EDNRA: variants seen among roughly 807,000 people sequenced by gnomAD.
The protein encoded by EDNRA is endothelin receptor type A, also known as endothelin-1 receptor.
Under a neutral mutation model 41.4 loss-of-function variants are expected in EDNRA, and 11 were observed. The observed-to-expected ratio is 0.27, with a 90% CI of 0.17 to 0.44. The LOEUF is 0.44. Ranked by LOEUF, EDNRA falls within the 20% of genes least tolerant of loss-of-function variation. The pLI is 1.00. For synonymous variants in EDNRA, 172 were observed against 183.0 expected, an observed-to-expected ratio of 0.94 and a Z score of 0.49; for missense variants, 294 against 531.0, an observed-to-expected ratio of 0.55 and a Z score of 4.39.
intron 2 of EDNRA, among the ~76,000 whole-genome samples, chr4:147,509,246 T>C (rs1729835247): frequency 6.6e-6 from 1 of 152,212 alleles, no homozygotes. Context: ...TTCCTGCGAA[T>C]GTGTGATGGT....
chr4:147,498,187 G>A (rs143120707), intron 2 of EDNRA, among the ~76,000 whole-genome samples: 36 of 152,350 alleles, frequency 2.4e-4, no homozygotes, highest in Non-Finnish European at 4.7e-4. Context: ...AGAACTCTGT[G>A]AAATGTCTGA....
At chr4:147,492,071 A>T (rs1729156257) in intron 2 of EDNRA, 1 of 152,306 alleles carries the variant, frequency 6.6e-6, no homozygotes, top group Admixed American at 6.5e-5. Flanking sequence ...CTTCCACTTT[A>T]TTCCTTGGAT....
At chr4:147,508,937 C>T (rs1418773657) in intron 2 of EDNRA, among the ~76,000 whole-genome samples, 1 of 152,018 alleles carries the variant, frequency 6.6e-6, no homozygotes, top group African/African-American at 2.4e-5. Context: ...TTCTAGATCC[C>T]TTATATTTTT....
intron 3 of EDNRA, among the ~76,000 whole-genome samples, chr4:147,527,746 T>C (rs1730604164): frequency 6.6e-6 from 1 of 152,128 alleles, no homozygotes; most frequent in African/African-American, 2.4e-5. Context: ...ATGAATAAAA[T>C]ATATATTTTA....
At chr4:147,497,440 A>G (rs1343742002) in intron 2 of EDNRA, among the ~76,000 whole-genome samples, 1 of 152,214 alleles carries the variant, frequency 6.6e-6, no homozygotes, top group Non-Finnish European at 1.5e-5. Flanking sequence ...ACATTGACTA[A>G]GTACCTGTAG....
At chr4:147,497,756 T>G (rs909457567) in intron 2 of EDNRA, among the ~76,000 whole-genome samples, 1 of 152,078 alleles carries the variant, frequency 6.6e-6, no homozygotes, top group Non-Finnish European at 1.5e-5. Context: ...GTATTTTTAG[T>G]AGAGACGAGG....
chr4:147,523,478 T>C (rs932038749), intron 3 of EDNRA, among the ~76,000 whole-genome samples: 8 of 105,106 alleles, frequency 7.6e-5, no homozygotes, highest in Non-Finnish European at 3.6e-5. Flanking sequence ...TTTGTTGTTG[T>C]TGTTTTTTTG....
At chr4:147,516,158 G>A (rs1209332090) in intron 2 of EDNRA, among the ~76,000 whole-genome samples, 1 of 152,180 alleles carries the variant, frequency 6.6e-6, no homozygotes, top group Non-Finnish European at 1.5e-5. Context: ...TGATCTGCTT[G>A]AGAAGAGGAG....
intron 2 of EDNRA, among the ~76,000 whole-genome samples, chr4:147,502,243 CAAG>C (rs747551125): frequency 9.9e-5 from 15 of 152,114 alleles, no homozygotes; most frequent in Non-Finnish European, 1.9e-4. Flanking sequence ...GACACTAATT[CAAG>C]AAAGTATCAT....
chr4:147,525,975 C>T (rs535627758), intron 3 of EDNRA, among the ~76,000 whole-genome samples: 1 of 152,236 alleles, frequency 6.6e-6, no homozygotes, highest in South Asian at 2.1e-4. Context: ...TCAGAAAAAC[C>T]TCTTTGTTAG....
rs1731058157 is a variant in EDNRA, at chr4:147,540,400, T to C, written c.1058T>C (p.Ile353Thr). The change falls in exon 7 of 8, where the codon ATC (isoleucine) becomes ACC (threonine). Residue 353 changes from isoleucine to threonine, a missense_variant. Physicochemically the swap from Ile to Thr is moderately conservative, Grantham distance 89. Around this residue, in one of 3 missense-constraint regions of EDNRA, gnomAD observed 185 missense variants for 390.8 expected, o/e 0.47. Transcript: ENST00000651419. ...LLSFLLLMDY[I>T]GINLATMNSC... ...AGTTTCTTACTGCTCATGGATTACA[T>C]CGGTATTAACTTGGCAACCATGAAT... 1 of 1,613,210 alleles carries C rather than the reference T, an allele frequency of 6.2e-7. No individual in the cohort carries two copies. Among genetic ancestry groups the C allele is most frequent in the African/African-American group, 1.3e-5 (1 of 75,034 alleles).
chr4:147,514,028 C>T (rs72961617), intron 2 of EDNRA, among the ~76,000 whole-genome samples: 1,816 of 152,252 alleles, frequency 0.012, 37 homozygotes, highest in African/African-American at 0.042. Context: ...ATAAATGGTA[C>T]GTTTCAGTTT....
intron 2 of EDNRA, among the ~76,000 whole-genome samples, chr4:147,497,149 C>CTTTTTTTT (rs11330586): frequency 1.1e-3 from 85 of 75,064 alleles, no homozygotes; most frequent in Non-Finnish European, 1.4e-3. Flanking sequence ...TAGAATTCTT[C>CTTTTTTTT]TTTTTTTTTT....
intron 2 of EDNRA, chr4:147,491,244 C>G (rs1445379406): frequency 6.6e-6 from 1 of 152,200 alleles, no homozygotes; most frequent in Non-Finnish European, 1.5e-5. Context: ...ATATGTTGCT[C>G]TGGCAGAGGA....
chr4:147,486,722 G>A lies in EDNRA; in HGVS notation c.420+621G>A, dbSNP rs112138430. Among the ~76,000 whole-genome samples, 10 of 152,174 alleles carry A rather than the reference G, an allele frequency of 6.6e-5. No individual in the cohort carries two copies. Among genetic ancestry groups the A allele is most frequent in the African/African-American group, 2.4e-4 (10 of 41,536 alleles). ...AACTAATACCACTTAAAATTTGCCT[G>A]CTTTACTGTGGTCTCCTTCATTTCT... On this transcript the variant is annotated intron_variant, in intron 2 of 7. Coordinates refer to ENST00000651419, the MANE Select transcript of EDNRA (RefSeq NM_001957.4). This position sits in a 1 kb window ranked among gnomAD's most constrained non-coding sequence, Gnocchi z 4.3.
At chr4:147,524,245 T>C (rs554106512) in intron 3 of EDNRA, among the ~76,000 whole-genome samples, 1 of 152,024 alleles carries the variant, frequency 6.6e-6, no homozygotes, top group East Asian at 1.9e-4. Context: ...CACTTTTTTG[T>C]TCTGCCTCCT....
At chr4:147,525,159 A>G (rs2126459478) in intron 3 of EDNRA, among the ~76,000 whole-genome samples, 1 of 152,372 alleles carries the variant, frequency 6.6e-6, no homozygotes, top group South Asian at 2.1e-4. Flanking sequence ...TACTTCGTCA[A>G]TCAATGATTA....
At chr4:147,539,579 C>T (rs1220016064) in intron 5 of EDNRA, among the ~76,000 whole-genome samples, 2 of 152,030 alleles carry the variant, frequency 1.3e-5, no homozygotes, top group Non-Finnish European at 2.9e-5. Context: ...GCCCTAATAA[C>T]CAACCTGAGG....
At chr4:147,508,840 A>G (rs938861664) in intron 2 of EDNRA, among the ~76,000 whole-genome samples, 1 of 152,176 alleles carries the variant, frequency 6.6e-6, no homozygotes, top group African/African-American at 2.4e-5. Flanking sequence ...TCCTGTCTTA[A>G]TTACTGGAGC....
Sources: gnomAD v4.1 joint callset for allele counts (sites outside exome capture counted in the v4.1 genomes callset) on GRCh38, gnomAD v4.1.1 for gene constraint, gnomAD v4.1.1 regional missense constraint, Gnocchi (gnomAD v3.1) non-coding constraint, MANE v1.5 for transcripts, NCBI Gene and HGNC (gene_info 2026-07-23, HGNC 2026-07-21) for gene names.